The following PABPC4L variants were observed in gnomAD, a reference collection of about 807,000 sequenced individuals.
PABPC4L encodes poly(A) binding protein cytoplasmic 4 like, also known as polyadenylate-binding protein 4-like.
For missense variants in PABPC4L, 452 were observed against 451.4 expected (o/e 1.00, Z -0.01); for synonymous variants, 169 against 164.1 (o/e 1.03, Z -0.23).
At position 134,197,337 on chromosome 4, in the gene PABPC4L, G is replaced by T. The variant is rs1560837714; in HGVS notation, c.*2570C>A. 6.6e-6 allele frequency: 1 copy of T among 151,714 alleles called. No individual in the cohort carries two copies. Among genetic ancestry groups the T allele is most frequent in the East Asian group, 1.9e-4 (1 of 5,182 alleles). The allele number at this position is 151,714 out of a possible 1,614,324, so 9.4% of individuals were successfully genotyped here. ...ATACTTTTTATGAACCAAAATTTTA[G>T]TTAGAAGCATTGAGAATATGAAAAT... On this transcript the variant is annotated 3_prime_UTR_variant, in exon 2 of 2. Transcript: ENST00000421491.
the PABPC4L span, among the ~76,000 whole-genome samples, chr4:134,184,382 C>T: frequency 2.0e-5 from 3 of 151,880 alleles, no homozygotes; most frequent in African/African-American, 7.2e-5. Flanking sequence ...TTAGAGATCA[C>T]AGAAAGACAA....
the PABPC4L span, among the ~76,000 whole-genome samples, chr4:134,071,109 C>T: frequency 6.6e-6 from 1 of 152,156 alleles, no homozygotes; most frequent in African/African-American, 2.4e-5. Flanking sequence ...CATAAGGTCT[C>T]CTGCTGCCAG....
chr4:134,065,295 G>C, the PABPC4L span, among the ~76,000 whole-genome samples: 1 of 151,462 alleles, frequency 6.6e-6, no homozygotes, highest in Non-Finnish European at 1.5e-5. Context: ...ATTTTGATGG[G>C]TGTGAGATGA....
chr4:134,104,097 T>C, the PABPC4L span, among the ~76,000 whole-genome samples: 26 of 151,746 alleles, frequency 1.7e-4, no homozygotes, highest in Admixed American at 3.3e-4. Context: ...TTAAAATAAC[T>C]TTATGAATTC....
chr4:133,994,263 C>T, the PABPC4L span, among the ~76,000 whole-genome samples: 10 of 152,194 alleles, frequency 6.6e-5, no homozygotes, highest in East Asian at 1.4e-3. Flanking sequence ...TTCATAGGCT[C>T]TTTGTAATTT....
the PABPC4L span, among the ~76,000 whole-genome samples, chr4:133,997,818 C>T: frequency 3.3e-5 from 5 of 152,024 alleles, no homozygotes; most frequent in Admixed American, 1.3e-4. Context: ...TCTTCACTTC[C>T]GTGTAATGCA....
At chr4:134,137,316 T>C in the PABPC4L span, among the ~76,000 whole-genome samples, 2 of 151,954 alleles carry the variant, frequency 1.3e-5, no homozygotes, top group Admixed American at 1.3e-4. Flanking sequence ...AACTCAATTC[T>C]ATATTACCAA....
At chr4:134,165,124 A>G in the PABPC4L span, among the ~76,000 whole-genome samples, 16 of 152,282 alleles carry the variant, frequency 1.1e-4, 1 homozygote, top group South Asian at 3.1e-3. Context: ...ACCATATACA[A>G]AAATCAACTT....
chr4:134,173,674 T>G, the PABPC4L span, among the ~76,000 whole-genome samples: 1 of 152,006 alleles, frequency 6.6e-6, no homozygotes, highest in Non-Finnish European at 1.5e-5. Context: ...AGTTAACAAT[T>G]TATTGTACAT....
At chr4:134,061,346 T>C in the PABPC4L span, among the ~76,000 whole-genome samples, 7 of 152,086 alleles carry the variant, frequency 4.6e-5, no homozygotes, top group East Asian at 1.2e-3. Flanking sequence ...TACACTCTTA[T>C]ATGAAATGAC....
chr4:134,075,045 A>G, the PABPC4L span, among the ~76,000 whole-genome samples: 125,058 of 152,222 alleles, frequency 0.82, 51,943 homozygotes, highest in East Asian at 1. Flanking sequence ...TTATGTTTAA[A>G]TTATATTAAA....
chr4:134,094,891 T>A, the PABPC4L span, among the ~76,000 whole-genome samples: 7 of 151,870 alleles, frequency 4.6e-5, no homozygotes, highest in African/African-American at 1.7e-4. Context: ...TTCTTCTGTA[T>A]GTTCTTTTAT....
chr4:134,150,360 A>G, the PABPC4L span, among the ~76,000 whole-genome samples: 8 of 152,128 alleles, frequency 5.3e-5, no homozygotes, highest in Non-Finnish European at 1.0e-4. Context: ...CTGGGATTAC[A>G]GGCATGAGCC....
At chr4:134,117,664 T>C in the PABPC4L span, among the ~76,000 whole-genome samples, 1 of 151,712 alleles carries the variant, frequency 6.6e-6, no homozygotes, top group African/African-American at 2.4e-5. Context: ...TGTTCATAGA[T>C]GCTAAGGTCA....
At chr4:133,979,579 A>G in the PABPC4L span, among the ~76,000 whole-genome samples, 35 of 152,258 alleles carry the variant, frequency 2.3e-4, no homozygotes, top group Non-Finnish European at 4.3e-4. Context: ...TTAGTTCCAT[A>G]AAGACGTCGT....
chr4:134,176,845 G>T, the PABPC4L span, among the ~76,000 whole-genome samples: 1 of 152,016 alleles, frequency 6.6e-6, no homozygotes, highest in Non-Finnish European at 1.5e-5. Context: ...TCCCCCTGGC[G>T]CCCCCATACC....
the PABPC4L span, among the ~76,000 whole-genome samples, chr4:134,162,499 C>T: frequency 1.3e-5 from 2 of 151,970 alleles, no homozygotes; most frequent in Non-Finnish European, 2.9e-5. Flanking sequence ...TTAAACTGTA[C>T]TCTAGAACAA....
the PABPC4L span, among the ~76,000 whole-genome samples, chr4:134,128,242 G>C: frequency 6.6e-6 from 1 of 152,134 alleles, no homozygotes; most frequent in East Asian, 1.9e-4. Context: ...ATATTTGAGG[G>C]AATAATTGTG....
chr4:134,161,311 G>A, the PABPC4L span, among the ~76,000 whole-genome samples: 1 of 151,558 alleles, frequency 6.6e-6, no homozygotes, highest in East Asian at 1.9e-4. Flanking sequence ...AAAAATCTAA[G>A]AGTTATTGGT....
Sources: gnomAD v4.1 joint callset for allele counts (sites outside exome capture counted in the v4.1 genomes callset) on GRCh38, gnomAD v4.1.1 for gene constraint, MANE v1.5 for transcripts, NCBI Gene and HGNC (gene_info 2026-07-23, HGNC 2026-07-21) for gene names.